The following SAMTOR variants were observed in gnomAD, a reference collection of about 807,000 sequenced individuals.
SAMTOR encodes S-adenosylmethionine sensor upstream of mTORC1, also known as UPF0532 protein C7orf60.
chr7:112,923,017 C>T, the SAMTOR span, among the ~76,000 whole-genome samples: 26 of 151,886 alleles, frequency 1.7e-4, no homozygotes, highest in Admixed American at 3.3e-4. Context: ...ATGACAATAG[C>T]GGTTTTGTGG....
At chr7:112,834,596 C>T in the SAMTOR span, among the ~76,000 whole-genome samples, 2 of 152,182 alleles carry the variant, frequency 1.3e-5, no homozygotes, top group Non-Finnish European at 2.9e-5. Context: ...TAAATTCTCA[C>T]ACCGTCAGAC....
the SAMTOR span, among the ~76,000 whole-genome samples, chr7:112,897,644 A>G: frequency 6.6e-6 from 1 of 152,236 alleles, no homozygotes; most frequent in East Asian, 1.9e-4. Context: ...GAAATAAAAA[A>G]TAACACTTCA....
At chr7:112,855,015 G>A in the SAMTOR span, among the ~76,000 whole-genome samples, 2 of 151,972 alleles carry the variant, frequency 1.3e-5, no homozygotes, top group African/African-American at 2.4e-5. Flanking sequence ...CAATGACAGC[G>A]GCCACTGCAG....
the SAMTOR span, among the ~76,000 whole-genome samples, chr7:112,856,158 A>C: frequency 6.6e-6 from 1 of 152,358 alleles, no homozygotes; most frequent in South Asian, 2.1e-4. Context: ...GGACTGTTAC[A>C]AAATGAAGAA....
the SAMTOR span, among the ~76,000 whole-genome samples, chr7:112,839,796 C>CAG: frequency 1.3e-5 from 2 of 151,600 alleles, no homozygotes; most frequent in Non-Finnish European, 3.0e-5. Flanking sequence ...ATATTTGTTT[C>CAG]ATATATGCAT....
chr7:112,922,128 G>GT, the SAMTOR span, among the ~76,000 whole-genome samples: 3 of 152,158 alleles, frequency 2.0e-5, no homozygotes, highest in Non-Finnish European at 4.4e-5. Flanking sequence ...ACTGGTTTTC[G>GT]TATTTTTTTG....
the SAMTOR span, among the ~76,000 whole-genome samples, chr7:112,902,998 T>A: frequency 6.6e-6 from 1 of 152,182 alleles, no homozygotes; most frequent in Non-Finnish European, 1.5e-5. Context: ...AGAGGCAATC[T>A]ATAAAATGTT....
At chr7:112,939,803 A>C in the SAMTOR span, 2 of 1,422,546 alleles carry the variant, frequency 1.4e-6, no homozygotes, top group East Asian at 2.3e-5. Flanking sequence ...GACGCTCCCC[A>C]GATGGAGGAG....
the SAMTOR span, among the ~76,000 whole-genome samples, chr7:112,929,525 G>T: frequency 6.6e-6 from 1 of 151,944 alleles, no homozygotes; most frequent in Admixed American, 6.6e-5. Flanking sequence ...CAGTATGGAG[G>T]TTCCTAAAAA....
chr7:112,910,079 T>C, the SAMTOR span, among the ~76,000 whole-genome samples: 1 of 151,916 alleles, frequency 6.6e-6, no homozygotes, highest in Non-Finnish European at 1.5e-5. Flanking sequence ...AAGAAAGTGC[T>C]CACAGGTGAC....
At chr7:112,839,664 T>C in the SAMTOR span, among the ~76,000 whole-genome samples, 3 of 151,866 alleles carry the variant, frequency 2.0e-5, no homozygotes, top group Admixed American at 2.0e-4. Context: ...CTAGATACTA[T>C]ATGTAATCTT....
chr7:112,877,461 G>A, the SAMTOR span, among the ~76,000 whole-genome samples: 3 of 152,098 alleles, frequency 2.0e-5, no homozygotes, highest in African/African-American at 7.2e-5. Context: ...ATATTAGAAC[G>A]TATAGGTGAA....
At chr7:112,840,172 G>A in the SAMTOR span, among the ~76,000 whole-genome samples, 1 of 151,836 alleles carries the variant, frequency 6.6e-6, no homozygotes, top group Non-Finnish European at 1.5e-5. Flanking sequence ...AGCTCCCTAG[G>A]TGAATGTATG....
chr7:112,936,120 T>C, the SAMTOR span, among the ~76,000 whole-genome samples: 1 of 152,228 alleles, frequency 6.6e-6, no homozygotes, highest in East Asian at 1.9e-4. Flanking sequence ...AAAACACCTA[T>C]ATGTGCAAGC....
At chr7:112,853,527 T>C in the SAMTOR span, among the ~76,000 whole-genome samples, 14 of 152,264 alleles carry the variant, frequency 9.2e-5, no homozygotes, top group African/African-American at 3.4e-4. Flanking sequence ...GACAACAGCA[T>C]TTTGAACTAC....
chr7:112,911,292 T>C, the SAMTOR span, among the ~76,000 whole-genome samples: 1 of 152,116 alleles, frequency 6.6e-6, no homozygotes. Context: ...GCAAGAGAGT[T>C]GCACCTGTAA....
the SAMTOR span, among the ~76,000 whole-genome samples, chr7:112,937,032 T>G: frequency 6.6e-6 from 1 of 152,202 alleles, no homozygotes; most frequent in Non-Finnish European, 1.5e-5. Flanking sequence ...TATTTTAATA[T>G]TTTTAGGACT....
chr7:112,856,022 G>T, the SAMTOR span, among the ~76,000 whole-genome samples: 1 of 151,952 alleles, frequency 6.6e-6, no homozygotes, highest in African/African-American at 2.4e-5. Flanking sequence ...TAAGTGTTTC[G>T]TGTGTGTATA....
chr7:112,829,202 G>T, the SAMTOR span, among the ~76,000 whole-genome samples: 3 of 151,786 alleles, frequency 2.0e-5, no homozygotes, highest in South Asian at 6.2e-4. Flanking sequence ...TGCTATTGTT[G>T]TATCTTCAAT....
Sources: allele counts gnomAD v4.1 joint callset (sites outside exome capture counted in the v4.1 genomes callset), GRCh38; gene constraint gnomAD v4.1.1; transcripts MANE v1.5; gene names NCBI Gene and HGNC (gene_info 2026-07-23, HGNC 2026-07-21).